Variants in DISP1 observed in about 807,000 individuals in gnomAD.
DISP1 encodes the protein protein dispatched homolog 1.
DISP1 carries 30 observed loss-of-function variants against 37.3 expected under a neutral mutation model. That is an observed-to-expected ratio of 0.80 (90% CI 0.60 to 1.09). DISP1 has a LOEUF of 1.09. Among genes scored for constraint, DISP1 ranks in the 50% least tolerant of loss-of-function variants. The pLI, the probability that DISP1 is intolerant of heterozygous loss-of-function variation, is 0.00. For missense variants in DISP1, 1,598 were observed against 1,879.5 expected (o/e 0.85, Z 2.77); for synonymous variants, 634 against 690.2 (o/e 0.92, Z 1.28).
chr1:222,818,023 A>G (rs542054475), intron 1 of DISP1, among the ~76,000 whole-genome samples: 253 of 152,390 alleles, frequency 1.7e-3, no homozygotes, highest in African/African-American at 5.9e-3. Flanking sequence ...GATAGGCTAT[A>G]ACTCACAATG....
chr1:222,904,449 T>C (rs1417428860), intron 1 of DISP1, among the ~76,000 whole-genome samples: 1 of 152,116 alleles, frequency 6.6e-6, no homozygotes, highest in Non-Finnish European at 1.5e-5. Flanking sequence ...GTATTCATGA[T>C]GTTAAAAAGA....
chr1:222,872,609 T>A (rs558367585), intron 1 of DISP1, among the ~76,000 whole-genome samples: 2 of 152,222 alleles, frequency 1.3e-5, no homozygotes, highest in Non-Finnish European at 2.9e-5. Flanking sequence ...TTCTGTGAGA[T>A]CAGTGATGAT....
At position 222,887,561 on chromosome 1, in the gene DISP1, C is replaced by T. The variant is rs1293417498; in HGVS notation, c.-158-40869C>T. Among the ~76,000 whole-genome samples, 49 of 102,358 alleles carry T rather than the reference C, an allele frequency of 4.8e-4. 3 individuals carry two copies. Among genetic ancestry groups the T allele is most frequent in the African/African-American group, 1.7e-3 (48 of 27,956 alleles). 67.2% of individuals were successfully genotyped at this position (102,358 alleles called of 152,430 possible). ...GGCCGGACTGCGGACTGCAGTGGCG[C>T]AATCTCGGCTCACTGCAAGCTCCGC... On this transcript the variant is annotated intron_variant, in intron 1 of 8. Coordinates refer to ENST00000675850, the MANE Select transcript of DISP1 (RefSeq NM_001377229.1).
rs1444379782 is a variant in DISP1 at position 222,951,588 on chromosome 1, C to A, written c.509+8256C>A. ...CATGAACCTGATCATTGACGCAGAT[C>A]CCACAGTCTCTGCTTTACTCAGATC... On this transcript the variant is annotated intron_variant, in intron 3 of 8. Transcript: ENST00000675850. Among the ~76,000 whole-genome samples the A allele has an allele frequency of 2.0e-5, 3 of 152,198 alleles. No homozygotes were observed. The East Asian group carries it at 5.8e-4, about 29-fold the overall frequency.
chr1:222,934,514 C>T (rs976995621), intron 2 of DISP1, among the ~76,000 whole-genome samples: 3 of 152,056 alleles, frequency 2.0e-5, no homozygotes, highest in African/African-American at 7.2e-5. Context: ...TAAATATTAG[C>T]AGGCCAACGA....
At chr1:222,971,784 A>G (rs1676976264) in intron 3 of DISP1, among the ~76,000 whole-genome samples, 1 of 152,132 alleles carries the variant, frequency 6.6e-6, no homozygotes, top group Non-Finnish European at 1.5e-5. Context: ...ATGCAAACAT[A>G]TCTTCACTGA....
Position 222,973,352 on chromosome 1 carries a change from T to C in DISP1, c.510-9728T>C, listed in dbSNP as rs371511217. ...TCTCTGGTAAACAGGTCTATTGATTTGCCAAGTTCCCTTCTGAGCTTCTAA... is the reference window on the plus strand; with the variant it reads ...TCTCTGGTAAACAGGTCTATTGATTCGCCAAGTTCCCTTCTGAGCTTCTAA... On this transcript the variant is annotated intron_variant, in intron 3 of 8. Transcript: ENST00000675850. Among the ~76,000 whole-genome samples the C allele has an allele frequency of 1.2e-3, 179 of 152,336 alleles. 3 individuals carry two copies. The South Asian group carries it at 0.036, about 31-fold the overall frequency.
At chr1:222,992,864 ATT>A (rs71178523) in intron 7 of DISP1, among the ~76,000 whole-genome samples, 1 of 118,598 alleles carries the variant, frequency 8.4e-6, no homozygotes, top group East Asian at 2.8e-4. Context: ...AAAACCCAGA[ATT>A]TTTTTTTTTT....
intron 3 of DISP1, among the ~76,000 whole-genome samples, chr1:222,974,095 G>A (rs567279014): frequency 8.5e-5 from 13 of 152,306 alleles, no homozygotes; most frequent in South Asian, 2.1e-4. Flanking sequence ...CAGTGCTGAT[G>A]AATAAAGGGA....
intron 1 of DISP1, among the ~76,000 whole-genome samples, chr1:222,888,104 C>G (rs1312389226): frequency 1.3e-5 from 2 of 152,106 alleles, no homozygotes; most frequent in Admixed American, 1.3e-4. Context: ...GCATTTCATA[C>G]TAGTTGTTTC....
chr1:222,981,300 G>A (rs1677817246), intron 3 of DISP1, among the ~76,000 whole-genome samples: 1 of 43,146 alleles, frequency 2.3e-5, no homozygotes, highest in Non-Finnish European at 6.3e-5. Flanking sequence ...CTATTAAGAT[G>A]CTGAGAGACC....
intron 1 of DISP1, among the ~76,000 whole-genome samples, chr1:222,881,060 C>T (rs1039551716): frequency 6.6e-6 from 1 of 152,052 alleles, no homozygotes; most frequent in Non-Finnish European, 1.5e-5. Flanking sequence ...GACCCTGTCT[C>T]TAGAAAAACA....
chr1:222,918,679 C>T (rs1431867351), intron 1 of DISP1, among the ~76,000 whole-genome samples: 1 of 152,184 alleles, frequency 6.6e-6, no homozygotes, highest in East Asian at 1.9e-4. Context: ...AGATGGGTCT[C>T]TCATGGTGAT....
At chr1:222,909,553 T>C (rs2125418667) in intron 1 of DISP1, among the ~76,000 whole-genome samples, 1 of 152,326 alleles carries the variant, frequency 6.6e-6, no homozygotes, top group Admixed American at 6.5e-5. Flanking sequence ...GTTGGCACCA[T>C]GCTGAGCACT....
At chr1:222,879,575 G>A (rs1670160493) in intron 1 of DISP1, among the ~76,000 whole-genome samples, 1 of 152,070 alleles carries the variant, frequency 6.6e-6, no homozygotes, top group South Asian at 2.1e-4. Context: ...AGGTTATGAA[G>A]AATATCTTTT....
intron 3 of DISP1, among the ~76,000 whole-genome samples, chr1:222,958,447 G>A (rs983553477): frequency 2.0e-5 from 3 of 152,062 alleles, no homozygotes; most frequent in Non-Finnish European, 4.4e-5. Context: ...TGAAATACAC[G>A]CTTTATGTTT....
intron 1 of DISP1, among the ~76,000 whole-genome samples, chr1:222,899,282 A>G (rs1671450609): frequency 6.6e-6 from 1 of 152,198 alleles, no homozygotes; most frequent in Admixed American, 6.5e-5. Flanking sequence ...TCCGATTCTA[A>G]CATAGGATGT....
At chr1:222,839,224 G>T (rs1377105922) in intron 1 of DISP1, among the ~76,000 whole-genome samples, 1 of 152,180 alleles carries the variant, frequency 6.6e-6, no homozygotes, top group Admixed American at 6.5e-5. Flanking sequence ...AGCAGCATTA[G>T]ATTCTCATAG....
At chr1:222,891,732 A>C (rs1670954655) in intron 1 of DISP1, among the ~76,000 whole-genome samples, 1 of 151,378 alleles carries the variant, frequency 6.6e-6, no homozygotes, top group Non-Finnish European at 1.5e-5. Context: ...CTGGAGAGAG[A>C]TCTGATCTCA....
Sources: allele counts gnomAD v4.1 joint callset (sites outside exome capture counted in the v4.1 genomes callset), GRCh38; gene constraint gnomAD v4.1.1; transcripts MANE v1.5; gene names NCBI Gene and HGNC (gene_info 2026-07-23, HGNC 2026-07-21).